The following ACBD6 variants were observed in gnomAD, a reference collection of about 807,000 sequenced individuals.
ACBD6 encodes acyl-CoA-binding domain-containing protein 6.
Under a neutral mutation model 37.2 loss-of-function variants are expected in ACBD6, and 28 were observed. The ratio of observed to expected loss-of-function variants is 0.75; its 90% CI spans 0.56 to 1.03. ACBD6 has a LOEUF of 1.03. Among genes scored for constraint, ACBD6 ranks in the 50% least tolerant of loss-of-function variants. The pLI is 0.00. For synonymous variants in ACBD6, 113 were observed against 126.8 expected, an observed-to-expected ratio of 0.89 and a Z score of 0.73; for missense variants, 340 against 337.4, an observed-to-expected ratio of 1.01 and a Z score of -0.06.
chr1:180,315,131 A>C (rs1650747248), intron 6 of ACBD6, among the ~76,000 whole-genome samples: 1 of 151,836 alleles, frequency 6.6e-6, no homozygotes, highest in Non-Finnish European at 1.5e-5. Flanking sequence ...TCTGTGATTT[A>C]TAGTGGATAG....
chr1:180,338,594 A>T (rs887230945), intron 6 of ACBD6, among the ~76,000 whole-genome samples: 13 of 152,220 alleles, frequency 8.5e-5, no homozygotes, highest in African/African-American at 2.9e-4. Context: ...AACCTAGGCA[A>T]TACCATTCAG....
chr1:180,299,960 T>C (rs543194506), intron 7 of ACBD6, among the ~76,000 whole-genome samples: 1 of 152,282 alleles, frequency 6.6e-6, no homozygotes, highest in Non-Finnish European at 1.5e-5. Flanking sequence ...ACACAAAGCC[T>C]ATTTAGAATG....
chr1:180,345,545 C>T (rs1423245524), intron 6 of ACBD6, among the ~76,000 whole-genome samples: 1 of 151,016 alleles, frequency 6.6e-6, no homozygotes, highest in Non-Finnish European at 1.5e-5. Flanking sequence ...TTAAAAAAAC[C>T]TTATAAAAAA....
intron 6 of ACBD6, among the ~76,000 whole-genome samples, chr1:180,321,352 T>C (rs1031930729): frequency 2.6e-5 from 4 of 152,190 alleles, no homozygotes; most frequent in African/African-American, 7.2e-5. Flanking sequence ...TTCATAGAAA[T>C]TGCACTGAAT....
At chr1:180,312,022 CCTT>C (rs1206919857) in intron 7 of ACBD6, among the ~76,000 whole-genome samples, 4 of 152,116 alleles carry the variant, frequency 2.6e-5, no homozygotes, top group African/African-American at 9.7e-5. Flanking sequence ...AAGAACAAGT[CCTT>C]CTTTCTTGTT....
intron 5 of ACBD6, among the ~76,000 whole-genome samples, chr1:180,410,442 G>T (rs1271253215): frequency 6.6e-6 from 1 of 152,194 alleles, no homozygotes; most frequent in Non-Finnish European, 1.5e-5. Context: ...TCAAAAGATA[G>T]ACTGACACTC....
intron 1 of ACBD6, among the ~76,000 whole-genome samples, chr1:180,497,753 T>C (rs1651794211): frequency 6.6e-6 from 1 of 152,222 alleles, no homozygotes; most frequent in Non-Finnish European, 1.5e-5. Flanking sequence ...GCCAGTTGCA[T>C]TTGCATATCT....
intron 6 of ACBD6, among the ~76,000 whole-genome samples, chr1:180,342,034 T>C (rs1652002792): frequency 6.6e-6 from 1 of 152,178 alleles, no homozygotes; most frequent in South Asian, 2.1e-4. Context: ...CATGCCTAAT[T>C]TGGAGCTTTT....
intron 7 of ACBD6, among the ~76,000 whole-genome samples, chr1:180,305,804 T>C (rs1365384133): frequency 1.3e-5 from 2 of 152,166 alleles, no homozygotes; most frequent in Admixed American, 1.3e-4. Flanking sequence ...CATGCACATG[T>C]ATGTTTATTG....
intron 3 of ACBD6, among the ~76,000 whole-genome samples, chr1:180,477,443 T>G (rs1650842428): frequency 6.6e-6 from 1 of 152,214 alleles, no homozygotes; most frequent in South Asian, 2.1e-4. Flanking sequence ...ATTAAATGTT[T>G]TTAATAACAC....
intron 9 of ACBD6, among the ~76,000 whole-genome samples, chr1:180,280,240 G>C (rs1043761026): frequency 6.6e-6 from 1 of 152,104 alleles, no homozygotes; most frequent in Non-Finnish European, 1.5e-5. Flanking sequence ...TGGAATACTT[G>C]GTGAAATATT....
chr1:180,272,050 C>T (rs1304491325), intron 13 of ACBD6: 1 of 1,563,106 alleles, frequency 6.4e-7, no homozygotes, highest in Non-Finnish European at 8.7e-7. Flanking sequence ...TAGGAAAGTC[C>T]CCTGGGAATC....
chr1:180,409,223 T>C (rs1256377722), intron 5 of ACBD6, among the ~76,000 whole-genome samples: 1 of 152,180 alleles, frequency 6.6e-6, no homozygotes, highest in Admixed American at 6.5e-5. Context: ...TTTTTTTGTT[T>C]ATAAGACTAA....
At chr1:180,454,048 A>C (rs1329123552) in intron 3 of ACBD6, among the ~76,000 whole-genome samples, 3 of 152,208 alleles carry the variant, frequency 2.0e-5, no homozygotes, top group African/African-American at 7.2e-5. Flanking sequence ...TGGAACCAAA[A>C]AAGAGCCCAT....
chr1:180,377,542 T>A (rs1297770654), intron 6 of ACBD6, among the ~76,000 whole-genome samples: 2 of 152,170 alleles, frequency 1.3e-5, no homozygotes, highest in Non-Finnish European at 2.9e-5. Flanking sequence ...TTCTTCCTTA[T>A]AGAGGGTTCC....
exon 14 of ACBD6, chr1:180,271,895 C>A (rs754434517): frequency 6.2e-7 from 1 of 1,613,524 alleles, no homozygotes; most frequent in African/African-American, 1.3e-5. Context: ...AGGGCGGCAC[C>A]GCTGGGGGCA....
chr1:180,406,983 T>C (rs1231633507), intron 5 of ACBD6, among the ~76,000 whole-genome samples: 1 of 152,236 alleles, frequency 6.6e-6, no homozygotes, highest in South Asian at 2.1e-4. Context: ...TAGTCCATCA[T>C]CAAAGCTTAC....
chr1:180,455,900 T>C (rs918793044), intron 3 of ACBD6, among the ~76,000 whole-genome samples: 2 of 152,216 alleles, frequency 1.3e-5, no homozygotes, highest in African/African-American at 4.8e-5. Context: ...TCAATGAACC[T>C]TGAAATCTTT....
chr1:180,492,492 T>G (rs1651544404), intron 2 of ACBD6, 127 bp from the exon 3 acceptor site: 2 of 757,922 alleles, frequency 2.6e-6, no homozygotes, highest in Admixed American at 2.1e-5. Flanking sequence ...AAGCTATGGA[T>G]AGAGAAGCTC....
Sources: gnomAD v4.1 joint callset for allele counts (sites outside exome capture counted in the v4.1 genomes callset) on GRCh38, gnomAD v4.1.1 for gene constraint, MANE v1.5 for transcripts, NCBI Gene and HGNC (gene_info 2026-07-23, HGNC 2026-07-21) for gene names.